Variants in PARD3 observed in about 807,000 individuals in gnomAD.
The protein encoded by PARD3 is partitioning defective 3 homolog.
In PARD3, 75 loss-of-function variants were observed where a neutral mutation model predicts 155.4. The ratio of observed to expected loss-of-function variants is 0.48; its 90% confidence interval spans 0.40 to 0.58. The LOEUF (loss-of-function observed/expected upper bound fraction) is 0.58. PARD3 is among the 20% of genes least tolerant of loss of function. PARD3 has a pLI of 0.00. For missense variants in PARD3, 1,642 were observed against 1,721.7 expected (o/e 0.95, Z 0.82); for synonymous variants, 576 against 610.5 (o/e 0.94, Z 0.83).
At chr10:34,557,447 G>A (rs2085092108) in intron 2 of PARD3, among the ~76,000 whole-genome samples, 1 of 152,042 alleles carries the variant, frequency 6.6e-6, no homozygotes, top group Admixed American at 6.5e-5. Context: ...GACCAGCCTG[G>A]GCAACACAGA....
At chr10:34,422,674 T>C (rs770503610) in intron 5 of PARD3, among the ~76,000 whole-genome samples, 3 of 152,092 alleles carry the variant, frequency 2.0e-5, no homozygotes, top group Non-Finnish European at 2.9e-5. Context: ...CCAACAGGTA[T>C]ATGAAAAATG....
chr10:34,286,006 T>A (rs770338490), intron 20 of PARD3, among the ~76,000 whole-genome samples: 12 of 152,172 alleles, frequency 7.9e-5, no homozygotes, highest in Non-Finnish European at 1.6e-4. Flanking sequence ...AAATCCAGAA[T>A]CTGACCACAT....
chr10:34,715,336 C>T (rs2094504342), intron 1 of PARD3, among the ~76,000 whole-genome samples: 1 of 152,126 alleles, frequency 6.6e-6, no homozygotes, highest in Admixed American at 6.6e-5. Flanking sequence ...CCTCGGATTC[C>T]CAAAGTGCTG....
chr10:34,714,074 C>T (rs78081780), intron 1 of PARD3, among the ~76,000 whole-genome samples: 5,579 of 152,182 alleles, frequency 0.037, 361 homozygotes, highest in African/African-American at 0.13. Context: ...TGACTCAGAC[C>T]AAAAGGAATT....
At chr10:34,695,278 C>A (rs546440904) in intron 2 of PARD3, among the ~76,000 whole-genome samples, 1 of 152,144 alleles carries the variant, frequency 6.6e-6, no homozygotes, top group South Asian at 2.1e-4. Flanking sequence ...AGTTCAAGAC[C>A]AGCCTGACCA....
chr10:34,400,705 A>T (rs536192500), intron 6 of PARD3, among the ~76,000 whole-genome samples: 4 of 152,226 alleles, frequency 2.6e-5, no homozygotes, highest in Non-Finnish European at 5.9e-5. Flanking sequence ...TCCTGCATAA[A>T]GACAGGAATA....
intron 22 of PARD3, among the ~76,000 whole-genome samples, chr10:34,138,699 A>T (rs916776071): frequency 1.3e-5 from 2 of 152,160 alleles, no homozygotes; most frequent in Non-Finnish European, 1.5e-5. Flanking sequence ...GCACAGGTAC[A>T]TGGTAAAGAT....
intron 2 of PARD3, among the ~76,000 whole-genome samples, chr10:34,583,349 T>C (rs1383334867): frequency 3.3e-5 from 5 of 152,154 alleles, no homozygotes; most frequent in Admixed American, 3.3e-4. Context: ...AAAAATAGGC[T>C]GTCAAGATAG....
intron 1 of PARD3, among the ~76,000 whole-genome samples, chr10:34,712,737 T>C (rs2094465593): frequency 6.6e-6 from 1 of 151,876 alleles, no homozygotes; most frequent in Non-Finnish European, 1.5e-5. Flanking sequence ...CACATGGACA[T>C]AAAGATGGCA....
intron 22 of PARD3, among the ~76,000 whole-genome samples, chr10:34,175,388 T>A (rs1382478890): frequency 1.3e-5 from 2 of 152,178 alleles, no homozygotes; most frequent in Non-Finnish European, 2.9e-5. Flanking sequence ...TATGCCTGTG[T>A]CAGAACCCAA....
Position 34,324,097 on chromosome 10 carries a change from A to G in PARD3, c.2834-6759T>C, listed in dbSNP as rs116308212. Among the ~76,000 whole-genome samples, 159 of 152,364 alleles carry G rather than the reference A, an allele frequency of 1.0e-3. 1 individual carries two copies. Among genetic ancestry groups the G allele is most frequent in the African/African-American group, 3.7e-3 (153 of 41,590 alleles). ...ACATACAAACTATTATTTATGGTCAAAGAAAGAGATTTCAGGCCACTGCTC... is the reference window on the plus strand; with the variant it reads ...ACATACAAACTATTATTTATGGTCAGAGAAAGAGATTTCAGGCCACTGCTC... On this transcript the variant is annotated intron_variant, in intron 19 of 24. Coordinates refer to ENST00000374788, the MANE Select transcript of PARD3 (RefSeq NM_001184785.2).
chr10:34,246,853 G>A (rs138715035), intron 22 of PARD3, among the ~76,000 whole-genome samples: 4,216 of 152,186 alleles, frequency 0.028, 93 homozygotes, highest in Non-Finnish European at 0.043. Flanking sequence ...TGGTCTAAAA[G>A]CGATTAAAAG....
intron 22 of PARD3, among the ~76,000 whole-genome samples, chr10:34,264,612 T>G (rs1955201326): frequency 6.6e-6 from 1 of 152,088 alleles, no homozygotes; most frequent in African/African-American, 2.4e-5. Flanking sequence ...AGGAAAAGAC[T>G]AGCTTTATAG....
chr10:34,543,604 G>A (rs2083813765), intron 2 of PARD3, among the ~76,000 whole-genome samples: 1 of 152,218 alleles, frequency 6.6e-6, no homozygotes, highest in South Asian at 2.1e-4. Context: ...TGGAAGATGT[G>A]CAACTATACA....
At chr10:34,650,360 G>A (rs1031869132) in intron 2 of PARD3, among the ~76,000 whole-genome samples, 2 of 152,152 alleles carry the variant, frequency 1.3e-5, no homozygotes, top group Admixed American at 6.5e-5. Flanking sequence ...TAATCTGACG[G>A]GACCATTGTG....
At chr10:34,414,459 T>C (rs1424431409) in intron 5 of PARD3, among the ~76,000 whole-genome samples, 9 of 151,962 alleles carry the variant, frequency 5.9e-5, no homozygotes, top group African/African-American at 1.9e-4. Flanking sequence ...AAGGATCAGT[T>C]TTAAATCACA....
intron 2 of PARD3, among the ~76,000 whole-genome samples, chr10:34,632,345 T>C (rs191738277): frequency 6.6e-6 from 1 of 152,116 alleles, no homozygotes; most frequent in Non-Finnish European, 1.5e-5. Flanking sequence ...TAAGAAGTAC[T>C]CCCAGAATCC....
At chr10:34,444,890 C>T (rs1418477382) in intron 5 of PARD3, among the ~76,000 whole-genome samples, 2 of 152,144 alleles carry the variant, frequency 1.3e-5, no homozygotes, top group Non-Finnish European at 2.9e-5. Context: ...GTCATAACTG[C>T]CTTCAGAAAC....
At chr10:34,371,293 C>T (rs1005978158) in intron 12 of PARD3, among the ~76,000 whole-genome samples, 4 of 150,852 alleles carry the variant, frequency 2.7e-5, no homozygotes, top group Admixed American at 1.3e-4. Flanking sequence ...TTTTATAAGC[C>T]AAAAATTAAA....
Sources: gnomAD v4.1 joint callset for allele counts (sites outside exome capture counted in the v4.1 genomes callset) on GRCh38, gnomAD v4.1.1 for gene constraint, MANE v1.5 for transcripts, NCBI Gene and HGNC (gene_info 2026-07-23, HGNC 2026-07-21) for gene names.